The following CDC42SE2 variants were observed in gnomAD, a reference collection of about 807,000 sequenced individuals.
The protein encoded by CDC42SE2 is CDC42 small effector 2.
In CDC42SE2, 3 loss-of-function variants were observed where a neutral mutation model predicts 11.5. The observed-to-expected ratio is 0.26, with a 90% CI of 0.12 to 0.67. The LOEUF is 0.67. CDC42SE2 is among the 30% of genes least tolerant of loss of function. The pLI, the probability that CDC42SE2 is intolerant of heterozygous loss-of-function variation, is 0.80. For synonymous variants in CDC42SE2, 33 were observed against 34.8 expected (o/e 0.95, Z 0.18); for missense variants, 82 against 106.8 (o/e 0.77, Z 1.02).
Position 131,300,675 on chromosome 5 carries a change from C to T in CDC42SE2, c.-454-15301C>T, listed in dbSNP as rs534589296. Among the ~76,000 whole-genome samples, 33 of 151,178 alleles carry T rather than the reference C, an allele frequency of 2.2e-4. No individual in the cohort carries two copies. The East Asian group carries it at 2.5e-3, about 12-fold the overall frequency. Reference sequence around the variant, plus strand: ...GCGGGTGCCTGTAGTCCCAGCTCCTCGGGAGGCTGAGGCAGGAGAATGGCG... The same window carrying T: ...GCGGGTGCCTGTAGTCCCAGCTCCTTGGGAGGCTGAGGCAGGAGAATGGCG... On this transcript the variant is annotated intron_variant, in intron 1 of 4. Transcript: ENST00000505065.
At chr5:131,331,283 C>T (rs901085627) in intron 2 of CDC42SE2, among the ~76,000 whole-genome samples, 16 of 152,094 alleles carry the variant, frequency 1.1e-4, no homozygotes, top group Non-Finnish European at 2.2e-4. Context: ...TTTGTAAATA[C>T]TGAGACAAGT....
chr5:131,276,125 T>C (rs550749555), intron 1 of CDC42SE2, among the ~76,000 whole-genome samples: 15 of 151,186 alleles, frequency 9.9e-5, no homozygotes, highest in African/African-American at 3.6e-4. Flanking sequence ...TCCTGAGCTG[T>C]AGATCTCATT....
intron 1 of CDC42SE2, among the ~76,000 whole-genome samples, chr5:131,302,678 A>G (rs546239056): frequency 4.6e-5 from 7 of 152,268 alleles, no homozygotes; most frequent in Admixed American, 3.3e-4. Flanking sequence ...TTGTCTGGAC[A>G]TGTTTTCATT....
At chr5:131,321,516 AT>A (rs1204004663) in intron 2 of CDC42SE2, among the ~76,000 whole-genome samples, 1 of 152,150 alleles carries the variant, frequency 6.6e-6, no homozygotes, top group African/African-American at 2.4e-5. Context: ...ATATTGCCTG[AT>A]TTCTAAGATA....
At position 131,311,386 on chromosome 5, in the gene CDC42SE2, G is replaced by C. The variant is rs1443672695; in HGVS notation, c.-454-4590G>C. On this transcript the variant is annotated intron_variant, in intron 1 of 4. Transcript: ENST00000505065. ...TGGCTGCCCTTAATATTTTTTCCTTGATTTCAACTTTGGTGAATCTGACAA... is the reference window on the plus strand; with the variant it reads ...TGGCTGCCCTTAATATTTTTTCCTTCATTTCAACTTTGGTGAATCTGACAA... Among the ~76,000 whole-genome samples, 577 of 151,886 alleles carry C rather than the reference G, an allele frequency of 3.8e-3. 6 individuals are homozygous for C. Among genetic ancestry groups the C allele is most frequent in the African/African-American group, 0.013 (557 of 41,334 alleles).
intron 1 of CDC42SE2, among the ~76,000 whole-genome samples, chr5:131,295,318 CA>C (rs1757547755): frequency 6.7e-6 from 1 of 149,474 alleles, no homozygotes; most frequent in Non-Finnish European, 1.5e-5. Flanking sequence ...ACCAAAACAA[CA>C]AAAAAAGATA....
At chr5:131,287,223 G>C (rs570629576) in intron 1 of CDC42SE2, among the ~76,000 whole-genome samples, 1 of 152,182 alleles carries the variant, frequency 6.6e-6, no homozygotes, top group South Asian at 2.1e-4. Flanking sequence ...TCAAACTCCT[G>C]ACCTCAGGTA....
chr5:131,280,537 T>A (rs1757217458), intron 1 of CDC42SE2, among the ~76,000 whole-genome samples: 1 of 152,142 alleles, frequency 6.6e-6, no homozygotes, highest in Admixed American at 6.6e-5. Context: ...AAAACAATGG[T>A]GTTTATAGAG....
chr5:131,295,806 C>T (rs529247103), intron 1 of CDC42SE2, among the ~76,000 whole-genome samples: 1 of 152,180 alleles, frequency 6.6e-6, no homozygotes, highest in African/African-American at 2.4e-5. Context: ...CCTCAGCCTC[C>T]CAAGTAGCTG....
At chr5:131,281,255 C>G (rs1757233369) in intron 1 of CDC42SE2, among the ~76,000 whole-genome samples, 1 of 152,136 alleles carries the variant, frequency 6.6e-6, no homozygotes, top group Non-Finnish European at 1.5e-5. Context: ...GTAGCTTTTT[C>G]TCTTACCCCC....
In CDC42SE2 at chr5:131,359,443, G is replaced by T; in HGVS notation, c.-51G>T. 3 of 1,402,594 alleles carry T rather than the reference G, an allele frequency of 2.1e-6. No individual in the cohort carries two copies. Among genetic ancestry groups the T allele is most frequent in the East Asian group, 2.3e-5 (1 of 43,888 alleles). 86.9% of individuals were successfully genotyped at this position (1,402,594 alleles called of 1,614,324 possible). Reference sequence around the variant, plus strand: ...GAGGAGCGTATTTTTGGAACTTCCCGAGTTGAGATTTGGAACCTTCATTGG... The same window carrying T: ...GAGGAGCGTATTTTTGGAACTTCCCTAGTTGAGATTTGGAACCTTCATTGG... On this transcript the variant is annotated 5_prime_UTR_variant, in exon 3 of 5. Transcript: ENST00000505065.
chr5:131,246,842 C>T (rs559352428), intron 1 of CDC42SE2, among the ~76,000 whole-genome samples: 1 of 144,464 alleles, frequency 6.9e-6, no homozygotes, highest in South Asian at 2.2e-4. Flanking sequence ...CTCCGGGGTT[C>T]AAGAGATTCT....
chr5:131,319,562 C>G (rs1758117186), intron 2 of CDC42SE2, among the ~76,000 whole-genome samples: 1 of 152,116 alleles, frequency 6.6e-6, no homozygotes, highest in Non-Finnish European at 1.5e-5. Context: ...AAAAGTAGAT[C>G]TCTTATAGCA....
chr5:131,303,893 C>A (rs1757731765), intron 1 of CDC42SE2, among the ~76,000 whole-genome samples: 1 of 152,078 alleles, frequency 6.6e-6, no homozygotes, highest in African/African-American at 2.4e-5. Context: ...GGAACTGAGA[C>A]TGATTATCTT....
chr5:131,358,440 G>A (rs1749617064), intron 2 of CDC42SE2, among the ~76,000 whole-genome samples: 2 of 152,070 alleles, frequency 1.3e-5, no homozygotes, highest in African/African-American at 4.8e-5. Flanking sequence ...TCCACATGAG[G>A]TATAGGATAT....
intron 2 of CDC42SE2, among the ~76,000 whole-genome samples, 200 bp downstream of exon 2, chr5:131,316,344 T>C (rs1758038885): frequency 1.3e-5 from 2 of 152,244 alleles, no homozygotes; most frequent in Admixed American, 1.3e-4. Context: ...CTTCTTCCAG[T>C]TAGGCACATC....
At chr5:131,258,466 G>T (rs151294411) in intron 2 of CDC42SE2, among the ~76,000 whole-genome samples, 8 of 152,054 alleles carry the variant, frequency 5.3e-5, no homozygotes, top group Non-Finnish European at 1.0e-4. Context: ...GACCCCAAAG[G>T]CTCCCTTCCT....
In CDC42SE2 at chr5:131,286,050, T is replaced by C. The variant is rs1374666000; in HGVS notation, c.-455+21884T>C. 8.6e-5 allele frequency among the ~76,000 whole-genome samples: 3 copies of C among 34,852 alleles called. No homozygotes were observed. The Admixed American group carries it at 1.3e-3, about 15-fold the overall frequency. 22.9% of individuals were successfully genotyped at this position (34,852 alleles called of 152,430 possible). On this transcript the variant is annotated intron_variant, in intron 1 of 4. Transcript: ENST00000505065. ...AAAGGAAAGTCTGGGAAATGTAGCT[T>C]TTTTTTTTTTTTTTTGGTTGGGGGG... is the stretch of plus-strand genomic sequence containing the variant.
At chr5:131,257,056 C>T (rs1376169710) in intron 2 of CDC42SE2, among the ~76,000 whole-genome samples, 1 of 152,130 alleles carries the variant, frequency 6.6e-6, no homozygotes, top group Non-Finnish European at 1.5e-5. Context: ...TGTACACCAA[C>T]ACAGTGACAG....
Sources: gnomAD v4.1 joint callset for allele counts (sites outside exome capture counted in the v4.1 genomes callset) on GRCh38, gnomAD v4.1.1 for gene constraint, MANE v1.5 for transcripts, NCBI Gene and HGNC (gene_info 2026-07-23, HGNC 2026-07-21) for gene names.